The following PCDHA7 variants were observed in gnomAD, a reference collection of about 807,000 sequenced individuals.
PCDHA7 encodes protocadherin alpha 7.
In PCDHA7, 37 loss-of-function variants were observed where a neutral mutation model predicts 57.2. The ratio of observed to expected loss-of-function variants is 0.65; its 90% CI spans 0.50 to 0.85. The LOEUF is 0.85. Ranked by LOEUF, PCDHA7 falls within the 40% of genes least tolerant of loss-of-function variation. PCDHA7 has a pLI of 0.00. For synonymous variants in PCDHA7, 553 were observed against 558.8 expected, an observed-to-expected ratio of 0.99 and a Z score of 0.15; for missense variants, 1,188 against 1,241.8, an observed-to-expected ratio of 0.96 and a Z score of 0.65.
At chr5:140,982,447 C>G (rs782801484) in intron 2 of PCDHA7, 28 bp from the exon 3 acceptor site, 1 of 1,613,782 alleles carries the variant, frequency 6.2e-7, no homozygotes, top group South Asian at 1.1e-5. Flanking sequence ...ATGATCTAAC[C>G]GTTATCTGGG....
intron 1 of PCDHA7, among the ~76,000 whole-genome samples, chr5:140,855,674 A>G (rs1431720219): frequency 1.3e-5 from 2 of 149,852 alleles, no homozygotes; most frequent in Non-Finnish European, 3.0e-5. Context: ...CTACTCTGAG[A>G]GTCTACATTT....
In PCDHA7 at chr5:140,876,738, G is replaced by A. The variant is rs782179304; in HGVS notation, c.2355+40000G>A. 3.1e-6 allele frequency: 5 copies of A among 1,614,264 alleles called. No individual in the cohort carries two copies. In the Admixed American group the frequency reaches 5.0e-5, roughly 16 times the overall value. ...ACCGCGAGAGCGTGTCGGCCTATGA[G>A]CTGGTGGTGACTGCGCGGGATGGGG... On this transcript the variant is annotated intron_variant, in intron 1 of 3. Coordinates refer to ENST00000525929, the MANE Select transcript of PCDHA7 (RefSeq NM_018910.3).
At chr5:140,845,439 T>C (rs965524315) in intron 1 of PCDHA7, among the ~76,000 whole-genome samples, 1 of 149,744 alleles carries the variant, frequency 6.7e-6, no homozygotes, top group Non-Finnish European at 1.5e-5. Flanking sequence ...ATTTTAGTTC[T>C]GTTTTTCTTC....
At chr5:140,927,349 G>T in intron 1 of PCDHA7, 1 of 1,614,016 alleles carries the variant, frequency 6.2e-7, no homozygotes, top group Non-Finnish European at 8.5e-7. Flanking sequence ...AGATGACGAC[G>T]AGGGAAGCAA....
intron 1 of PCDHA7, chr5:140,865,908 T>A (rs1023181309): frequency 2.6e-5 from 4 of 152,274 alleles, no homozygotes; most frequent in African/African-American, 9.6e-5. Flanking sequence ...GGCAAATCTT[T>A]CTTTCTGTTG....
At chr5:140,908,895 G>A (rs1381470212) in intron 1 of PCDHA7, among the ~76,000 whole-genome samples, 1 of 152,158 alleles carries the variant, frequency 6.6e-6, no homozygotes, top group Non-Finnish European at 1.5e-5. Flanking sequence ...TCCCAAATAA[G>A]CCTCTTTCGT....
chr5:140,870,750 G>T, intron 1 of PCDHA7: 1 of 1,613,506 alleles, frequency 6.2e-7, no homozygotes, highest in Non-Finnish European at 8.5e-7. Flanking sequence ...GCAACGTGAC[G>T]CTGCAGGTGT....
intron 1 of PCDHA7, chr5:140,882,287 G>A (rs1289206552): frequency 3.1e-6 from 5 of 1,613,126 alleles, no homozygotes; most frequent in African/African-American, 1.3e-5. Context: ...TTCCTGGCAA[G>A]GAGGCCCAAG....
chr5:140,960,111 A>G (rs1554224465), intron 1 of PCDHA7, among the ~76,000 whole-genome samples: 1 of 152,256 alleles, frequency 6.6e-6, no homozygotes, highest in African/African-American at 2.4e-5. Flanking sequence ...TGTGGGAACA[A>G]TAGTATTCCT....
intron 1 of PCDHA7, chr5:140,856,501 T>C (rs781967300): frequency 6.3e-7 from 1 of 1,598,302 alleles, no homozygotes; most frequent in Admixed American, 1.7e-5. Flanking sequence ...ACTCTCGATT[T>C]CCACTAGAAG....
chr5:140,968,089 C>T lies in PCDHA7; in HGVS notation c.2356-10860C>T, dbSNP rs546330069. ...CTGTCTACAACATCACGGTGACAGC[C>T]ACAGATGGGGGAATACCGCAGCTCA... On this transcript the variant is annotated intron_variant, in intron 1 of 3. Transcript: ENST00000525929. 120 of 1,614,126 alleles carry T rather than the reference C, an allele frequency of 7.4e-5. 1 individual carries two copies. The South Asian group carries it at 1.2e-3, about 16-fold the overall frequency.
chr5:140,883,315 G>A (rs782377860), intron 1 of PCDHA7: 1 of 1,614,104 alleles, frequency 6.2e-7, no homozygotes, highest in Admixed American at 1.7e-5. Flanking sequence ...ACGCCCCAGA[G>A]GTTACCATCA....
intron 1 of PCDHA7, chr5:140,868,480 T>G (rs1562616906): frequency 6.6e-6 from 1 of 152,316 alleles, no homozygotes. Flanking sequence ...AAACTTCAAT[T>G]TTTTCTTTGA....
chr5:140,917,151 G>A (rs974449842), intron 1 of PCDHA7, among the ~76,000 whole-genome samples: 1 of 152,160 alleles, frequency 6.6e-6, no homozygotes, highest in Non-Finnish European at 1.5e-5. Flanking sequence ...TGCTGCTGGG[G>A]GATATGGGAG....
Position 140,876,841 on chromosome 5 carries a change from C to T in PCDHA7, c.2355+40103C>T, listed in dbSNP as rs782712356. ...GAACGACAATGCGCCTGCGTTCGCGCAGCCCGAGTACACAGTGTTCGTGAA... is the reference window on the plus strand; with the variant it reads ...GAACGACAATGCGCCTGCGTTCGCGTAGCCCGAGTACACAGTGTTCGTGAA... On this transcript the variant is annotated intron_variant, in intron 1 of 3. Transcript: ENST00000525929. 4.3e-6 allele frequency: 7 copies of T among 1,614,130 alleles called. No homozygotes were observed. In the South Asian group the frequency reaches 7.7e-5, roughly 18 times the overall value.
chr5:140,941,255 C>CTT (rs782490896), intron 1 of PCDHA7, among the ~76,000 whole-genome samples: 1,945 of 44,372 alleles, frequency 0.044, 20 homozygotes, highest in African/African-American at 0.075. Flanking sequence ...TTCTTTCTTT[C>CTT]TCTTTCTTTC....
intron 1 of PCDHA7, among the ~76,000 whole-genome samples, chr5:140,855,657 G>A (rs2043553278): frequency 6.7e-6 from 1 of 149,788 alleles, no homozygotes; most frequent in African/African-American, 2.5e-5. Context: ...GGTTAGGGAA[G>A]AAATCACTAC....
At position 140,836,468 on chromosome 5, in the gene PCDHA7, T is replaced by G. The variant is rs1227457835; in HGVS notation, c.2085T>G (p.Asp695Glu). 1 of 1,613,696 alleles carries G rather than the reference T, an allele frequency of 6.2e-7. No individual in the cohort carries two copies. The highest frequency in any genetic ancestry group is 1.3e-5 in the African/African-American group (1 of 74,838). ...GIAGPETELV[D>E]VNVYLIIAIC... is the part of the protein sequence containing the mutation. ...CAGGCCCAGAGACCGAGCTGGTGGA[T>G]GTCAACGTGTACCTGATCATCGCCA... is the stretch of plus-strand genomic sequence containing the variant. Residue 695 changes from aspartate to glutamate, a missense_variant, in exon 1 of 4, where the codon GAT becomes GAG. Asp to Glu is a conservative substitution (Grantham distance 45). This residue lies in a region of PCDHA7 where 892 missense variants were observed against 788.5 expected (regional missense o/e 1.13). Transcript: ENST00000525929.
intron 1 of PCDHA7, chr5:140,856,142 T>G (rs1554148241): frequency 6.3e-7 from 1 of 1,598,118 alleles, no homozygotes; most frequent in East Asian, 2.2e-5. Flanking sequence ...CCAGCTCCAC[T>G]ACTCAGTCTA....
Sources: gnomAD v4.1 joint callset for allele counts (sites outside exome capture counted in the v4.1 genomes callset) on GRCh38, gnomAD v4.1.1 for gene constraint, gnomAD v4.1.1 regional missense constraint, MANE v1.5 for transcripts, NCBI Gene and HGNC (gene_info 2026-07-23, HGNC 2026-07-21) for gene names.